The following EEF2 variants were observed in gnomAD, a reference collection of about 807,000 sequenced individuals.
EEF2 encodes elongation factor 2.
Under a neutral mutation model 85.3 loss-of-function variants are expected in EEF2, and 21 were observed. The ratio of observed to expected loss-of-function variants is 0.25; its 90% CI spans 0.17 to 0.35. EEF2 has a LOEUF of 0.35. Among genes scored for constraint, EEF2 ranks in the 10% least tolerant of loss-of-function variants. The pLI is 1.00. For synonymous variants in EEF2, 723 were observed against 508.8 expected (o/e 1.42, Z -5.67); for missense variants, 825 against 1,225.3 (o/e 0.67, Z 4.88).
At chr19:3,982,495 C>G in intron 4 of EEF2, 71 bp from the exon 5 acceptor site, 4 of 1,589,512 alleles carry the variant, frequency 2.5e-6, no homozygotes, top group Non-Finnish European at 3.4e-6. Flanking sequence ...GGCTGGGCGC[C>G]TTGGGCATGG....
Position 3,977,359 on chromosome 19 carries a change from G to T in EEF2, c.2251-12C>A. 1.3e-6 allele frequency: 2 copies of T among 1,590,958 alleles called. No individual in the cohort carries two copies. Among genetic ancestry groups the T allele is most frequent in the Non-Finnish European group, 1.7e-6 (2 of 1,169,160 alleles). ...ACCTGCTCTGGACACTGCCAGAAGGGAAAGAAAACCTGTCAGTGGCCGCTG... is the reference window on the plus strand; with the variant it reads ...ACCTGCTCTGGACACTGCCAGAAGGTAAAGAAAACCTGTCAGTGGCCGCTG... On this transcript the variant is annotated splice_polypyrimidine_tract_variant and intron_variant, in intron 13 of 14. Transcript: ENST00000309311. This position sits in a 1 kb window ranked among gnomAD's most constrained non-coding sequence, Gnocchi z 5.4.
At chr19:3,980,414 A>G (rs1456406605) in intron 9 of EEF2, 100 bp downstream of exon 9, 2 of 1,395,800 alleles carry the variant, frequency 1.4e-6, no homozygotes, top group African/African-American at 1.4e-5. Context: ...TATTCCTTCT[A>G]TGCTCCTTAC....
At chr19:3,981,559 CG>C (rs1349728579) in intron 6 of EEF2, 107 bp from the exon 7 acceptor site, 9 of 1,075,146 alleles carry the variant, frequency 8.4e-6, no homozygotes, top group Admixed American at 5.7e-5. Flanking sequence ...GGACGCAGCA[CG>C]GGAGCAGGAG....
In EEF2 at chr19:3,979,871, C is replaced by T. The variant is rs563924657; in HGVS notation, c.1542G>A (p.Pro514=). The T allele has an allele frequency of 1.4e-4, 232 of 1,613,792 alleles. No homozygotes were observed. In the Admixed American group the frequency reaches 1.8e-3, roughly 12 times the overall value. The change falls in exon 10 of 15, where the codon CCG becomes CCA. Residue 514 remains proline, a synonymous_variant. Coordinates refer to ENST00000309311, the MANE Select transcript of EEF2 (RefSeq NM_001961.4). ...VVRVAVEAKN[P]ADLPKLVEGL... ...CCTCCACCAGCTTGGGCAGGTCAGC[C>T]GGGTTCTTGGCCTCCACGGCCACTC...
rs374213686 is a variant in EEF2 at position 3,981,376 on chromosome 19, C to T, written c.974G>A (p.Ser325Asn). ...TTTGCCTTCTTTGTCCTTGTCCTCG[C>T]TGTCCAGTTTGATGTCCAGTTTCTC... ...LIEKLDIKLD[S>N]EDKDKEGKPL... The change falls in exon 7 of 15, where the codon AGC becomes AAC. Residue 325 changes from serine to asparagine, a missense_variant. Physicochemically the swap from Ser to Asn is conservative, Grantham distance 46 (BLOSUM62 1). Transcript: ENST00000309311. 8.1e-6 allele frequency: 13 copies of T among 1,614,134 alleles called. No individual in the cohort carries two copies. The highest frequency in any genetic ancestry group is 4.0e-5 in the African/African-American group (3 of 74,948).
At position 3,982,990 on chromosome 19, in the gene EEF2, C is replaced by T; in HGVS notation, c.429G>A (p.Leu143=). ...SGVCVQTETV[L]RQAIAERIKP... is the part of the protein sequence containing the mutation. Reference sequence around the variant, plus strand: ...TGATGCGCTCGGCAATGGCCTGCCGCAGCACTGTCTCCGTCTGCACGCACA... The same window carrying T: ...TGATGCGCTCGGCAATGGCCTGCCGTAGCACTGTCTCCGTCTGCACGCACA... The change falls in exon 4 of 15, where the codon CTG becomes CTA. Residue 143 remains leucine (L), a synonymous_variant. Transcript: ENST00000309311. 1.2e-6 allele frequency: 2 copies of T among 1,612,698 alleles called. No homozygotes were observed. The highest frequency in any genetic ancestry group is 8.5e-7 in the Non-Finnish European group (1 of 1,179,976).
chr19:3,985,387 G>T lies in EEF2; in HGVS notation c.-7C>A, dbSNP rs779721890. Reference sequence around the variant, plus strand: ...AGGCAGGGTTACTCACCATGGTGGCGGATGGCGGTGGATTCTCCCAGGTAG... The same window carrying T: ...AGGCAGGGTTACTCACCATGGTGGCTGATGGCGGTGGATTCTCCCAGGTAG... On this transcript the variant is annotated 5_prime_UTR_variant, in exon 1 of 15. Coordinates refer to ENST00000309311, the MANE Select transcript of EEF2 (RefSeq NM_001961.4). 2 of 1,512,346 alleles carry T rather than the reference G, an allele frequency of 1.3e-6. No homozygotes were observed. Among genetic ancestry groups the T allele is most frequent in the South Asian group, 2.5e-5 (2 of 79,512 alleles). 93.7% of individuals were successfully genotyped at this position (1,512,346 alleles called of 1,614,324 possible).
rs1364104801 is a variant in EEF2, at chr19:3,976,558, A to C, written c.2573T>G (p.Leu858Trp). The change falls in exon 15 of 15, where the codon TTG (leucine) becomes TGG (tryptophan). Residue 858 changes from leucine (L) to tryptophan (W), a missense_variant. Transcript: ENST00000309311. ...AGGCGCTGCAGGAAGGGCCGCCTAC[A>C]ATTTGTCCAGGAAGTTGTCCAGGGC... ...IPALDNFLDK[L>W] is the part of the protein sequence containing the mutation. The C allele has an allele frequency of 6.2e-7, 1 of 1,605,410 alleles. No homozygotes were observed.
Position 3,982,902 on chromosome 19 carries a change from C to G in EEF2, c.517G>C (p.Glu173Gln). ...ALLELQLEPE[E>Q]LYQTFQRIVE... ...ATGCGCTGGAAAGTCTGGTAGAGCTCCTCGGGCTCCAGCTGCAGCTCCAGC... is the reference window on the plus strand; with the variant it reads ...ATGCGCTGGAAAGTCTGGTAGAGCTGCTCGGGCTCCAGCTGCAGCTCCAGC... The change falls in exon 4 of 15, where the codon GAG becomes CAG. Residue 173 changes from glutamate to glutamine, a missense_variant. Coordinates refer to ENST00000309311, the MANE Select transcript of EEF2 (RefSeq NM_001961.4). 1 of 1,613,658 alleles carries G rather than the reference C, an allele frequency of 6.2e-7. No homozygotes were observed. The highest frequency in any genetic ancestry group is 8.5e-7 in the Non-Finnish European group (1 of 1,180,000).
chr19:3,976,236 A>G lies in EEF2; in HGVS notation c.*318T>C, dbSNP rs2039678246. 1 of 364,136 alleles carries G rather than the reference A, an allele frequency of 2.7e-6. No homozygotes were observed. Among genetic ancestry groups the G allele is most frequent in the Non-Finnish European group, 5.1e-6 (1 of 197,666 alleles). The allele number at this position is 364,136 out of a possible 1,614,324, so 22.6% of individuals were successfully genotyped here. Reference sequence around the variant, plus strand: ...ATAAACCTCTTAATGCGTTTGTTAAAATTAGTTTGGACATCTGAGTTTCCC... The same window carrying G: ...ATAAACCTCTTAATGCGTTTGTTAAGATTAGTTTGGACATCTGAGTTTCCC... On this transcript the variant is annotated 3_prime_UTR_variant, in exon 15 of 15. Transcript: ENST00000309311.
In EEF2 at chr19:3,976,746, G is replaced by C. The variant is rs1277068635; in HGVS notation, c.2385C>G (p.Gly795=). 1 of 1,565,332 alleles carries C rather than the reference G, an allele frequency of 6.4e-7. No homozygotes were observed. Among genetic ancestry groups the C allele is most frequent in the East Asian group, 2.3e-5 (1 of 44,312 alleles). The change falls in exon 15 of 15, where the codon GGC becomes GGG. Residue 795 remains glycine (G), a splice_region_variant and synonymous_variant. Coordinates refer to ENST00000309311, the MANE Select transcript of EEF2 (RefSeq NM_001961.4). ...KAYLPVNESF[G]FTADLRSNTG... is the part of the protein sequence containing the mutation. ...TGTTGGACCTCAGGTCAGCGGTGAA[G>C]CCTGCAGAGGGAAGCGAGAGGCTCA...
At chr19:3,982,141 G>T (rs763525973) in intron 5 of EEF2, 89 bp from the exon 6 acceptor site, 61 of 1,596,994 alleles carry the variant, frequency 3.8e-5, no homozygotes, top group Non-Finnish European at 5.1e-5. Context: ...GCTTGGGCAA[G>T]ACCTGGTGGG....
intron 1 of EEF2, 96 bp from the exon 2 acceptor site, chr19:3,984,446 C>G (rs909839603): frequency 4.4e-6 from 6 of 1,377,576 alleles, no homozygotes; most frequent in African/African-American, 1.4e-5. Context: ...TGCCCAAGGC[C>G]AGGAGGGGGT....
In EEF2 at chr19:3,976,133, C is replaced by T. The variant is rs753078768; in HGVS notation, c.*421G>A. 20 of 223,542 alleles carry T rather than the reference C, an allele frequency of 8.9e-5. No homozygotes were observed. The highest frequency in any genetic ancestry group is 1.5e-4 in the Non-Finnish European group (17 of 110,670). 13.8% of individuals were successfully genotyped at this position (223,542 alleles called of 1,614,324 possible). On this transcript the variant is annotated 3_prime_UTR_variant, in exon 15 of 15. Coordinates refer to ENST00000309311, the MANE Select transcript of EEF2 (RefSeq NM_001961.4). ...CTCATGGTGACACCGCACAGGACTT[C>T]CTGCCTGCTAGAAATCATCTACCCG...
chr19:3,981,322 C>T lies in EEF2; in HGVS notation c.1011+17G>A, dbSNP rs190562397. On this transcript the variant is annotated intron_variant, in intron 7 of 14. Coordinates refer to ENST00000309311, the MANE Select transcript of EEF2 (RefSeq NM_001961.4). Reference sequence around the variant, plus strand: ...GCCTGTGTTCCCTCCACCCCGAGGGCTGGGCCCAGGCCGCACCTTCAGCAG... The same window carrying T: ...GCCTGTGTTCCCTCCACCCCGAGGGTTGGGCCCAGGCCGCACCTTCAGCAG... 7,117 of 1,611,382 alleles carry T rather than the reference C, an allele frequency of 4.4e-3. 28 individuals are homozygous for T. Among genetic ancestry groups the T allele is most frequent in the Non-Finnish European group, 4.9e-3 (5,766 of 1,177,490 alleles).
chr19:3,979,497 T>C, intron 10 of EEF2, 61 bp from the exon 11 acceptor site: 1 of 1,433,200 alleles, frequency 7.0e-7, no homozygotes, highest in Non-Finnish European at 9.6e-7. Context: ...GGGACCAGGC[T>C]CCCAGCTTCC....
chr19:3,981,473 C>T (rs528035656), intron 6 of EEF2, 21 bp from the exon 7 acceptor site: 9 of 1,607,008 alleles, frequency 5.6e-6, no homozygotes, highest in Non-Finnish European at 7.7e-6. Context: ...CACCAAGAAA[C>T]AAGAAAGCCC....
Position 3,980,627 on chromosome 19 carries a change from G to A in EEF2, c.1233C>T (p.Tyr411=), listed in dbSNP as rs79533804. The part of the protein sequence containing the change: ...MVPTSDKGRF[Y]AFGRVFSGLV... The stretch of plus-strand genomic sequence containing the variant: ...GCCCCGAGAAGACTCGTCCAAAGGC[G>A]TAGAACCGACCTTTGTCGGAGGTTG... Residue 411 remains tyrosine (Y), a synonymous_variant, in exon 9 of 15, where the codon TAC becomes TAT. Transcript: ENST00000309311. The A allele has an allele frequency of 1.5e-4, 250 of 1,614,236 alleles. 1 individual carries two copies. The East Asian group carries it at 2.9e-3, about 19-fold the overall frequency.
At chr19:3,983,543 G>T (rs1007200137) in intron 2 of EEF2, among the ~76,000 whole-genome samples, 1 of 151,968 alleles carries the variant, frequency 6.6e-6, no homozygotes, top group Non-Finnish European at 1.5e-5. Context: ...CCACCGACTT[G>T]GTCCCAAGAT....
Sources: allele counts gnomAD v4.1 joint callset (sites outside exome capture counted in the v4.1 genomes callset), GRCh38; gene constraint gnomAD v4.1.1; non-coding constraint Gnocchi (gnomAD v3.1); transcripts MANE v1.5; gene names NCBI Gene and HGNC (gene_info 2026-07-23, HGNC 2026-07-21).